The following PSPC1 variants were observed in gnomAD, a reference collection of about 807,000 sequenced individuals.
PSPC1 encodes paraspeckle protein 1.
PSPC1 carries 14 observed loss-of-function variants against 51.6 expected under a neutral mutation model. The observed-to-expected ratio is 0.27, with a 90% CI of 0.18 to 0.42. PSPC1 has a LOEUF of 0.42. PSPC1 is among the 10% of genes least tolerant of loss of function. The pLI, the probability that PSPC1 is intolerant of heterozygous loss-of-function variation, is 1.00. For missense variants in PSPC1, 406 were observed against 701.1 expected, an observed-to-expected ratio of 0.58 and a Z score of 4.75; for synonymous variants, 193 against 231.9, an observed-to-expected ratio of 0.83 and a Z score of 1.53.
chr13:19,737,733 C>T (rs1011592847), intron 5 of PSPC1, among the ~76,000 whole-genome samples: 1 of 152,148 alleles, frequency 6.6e-6, no homozygotes, highest in Non-Finnish European at 1.5e-5. Context: ...GATCGAGGCA[C>T]CAGTTATGTT....
At chr13:19,681,373 T>C (rs1173759662) in intron 6 of PSPC1, among the ~76,000 whole-genome samples, 1 of 151,888 alleles carries the variant, frequency 6.6e-6, no homozygotes, top group Non-Finnish European at 1.5e-5. Flanking sequence ...CTATTATTCA[T>C]GTATTACATG....
At chr13:19,694,293 G>GA (rs534353966) in intron 6 of PSPC1, among the ~76,000 whole-genome samples, 1 of 151,640 alleles carries the variant, frequency 6.6e-6, no homozygotes, top group Non-Finnish European at 1.5e-5. Flanking sequence ...TCATTGAAAG[G>GA]AAAAAATTAA....
intron 5 of PSPC1, among the ~76,000 whole-genome samples, chr13:19,740,047 T>A (rs1449842816): frequency 6.6e-6 from 1 of 151,552 alleles, no homozygotes; most frequent in Non-Finnish European, 1.5e-5. Flanking sequence ...GGAATATGAT[T>A]TAAGAATGAA....
At chr13:19,739,426 G>A (rs1385474840) in intron 5 of PSPC1, among the ~76,000 whole-genome samples, 2 of 152,162 alleles carry the variant, frequency 1.3e-5, no homozygotes, top group Admixed American at 6.5e-5. Context: ...TGTTAGGGGA[G>A]AGGAGGTTTC....
At chr13:19,721,714 C>A (rs1882787704) in intron 6 of PSPC1, among the ~76,000 whole-genome samples, 1 of 152,184 alleles carries the variant, frequency 6.6e-6, no homozygotes, top group Non-Finnish European at 1.5e-5. Context: ...GTTTTGAATA[C>A]AGGAAACAGT....
At chr13:19,674,385 A>AT (rs1440527505), downstream of PSPC1, among the ~76,000 whole-genome samples, 2 of 152,172 alleles carry the variant, frequency 1.3e-5, no homozygotes, top group African/African-American at 4.8e-5. Context: ...TCCTGTATTG[A>AT]TTCTTAAATG....
chr13:19,709,008 C>T (rs1269974186), intron 7 of PSPC1, among the ~76,000 whole-genome samples: 1 of 151,472 alleles, frequency 6.6e-6, no homozygotes, highest in Admixed American at 6.6e-5. Flanking sequence ...ACTAAAAATA[C>T]AAAAAATAAG....
At chr13:19,758,186 G>A (rs962580259) in intron 3 of PSPC1, among the ~76,000 whole-genome samples, 9 of 152,052 alleles carry the variant, frequency 5.9e-5, no homozygotes, top group Admixed American at 2.0e-4. Flanking sequence ...GGTGGTGGGC[G>A]CCTGTGGTCC....
At chr13:19,774,874 A>T (rs1888951913) in intron 1 of PSPC1, among the ~76,000 whole-genome samples, 1 of 150,228 alleles carries the variant, frequency 6.7e-6, no homozygotes, top group Non-Finnish European at 1.5e-5. Flanking sequence ...TTTGGGAAAG[A>T]AACAATTTAA....
At chr13:19,730,962 A>AC (rs1555236466) in intron 5 of PSPC1, among the ~76,000 whole-genome samples, 1,741 of 19,794 alleles carry the variant, frequency 0.088, 69 homozygotes, top group Middle Eastern at 0.26. Context: ...AAAAACAAAA[A>AC]AACAAAAAAA....
At chr13:19,689,961 A>G (rs1437537235) in intron 6 of PSPC1, among the ~76,000 whole-genome samples, 1 of 152,220 alleles carries the variant, frequency 6.6e-6, no homozygotes, top group African/African-American at 2.4e-5. Context: ...ACTGAAAAAA[A>G]GGATAGGGCA....
intron 5 of PSPC1, among the ~76,000 whole-genome samples, chr13:19,735,927 T>C (rs1056878335): frequency 2.0e-5 from 3 of 152,044 alleles, no homozygotes; most frequent in South Asian, 2.1e-4. Flanking sequence ...GTTCAAGCCA[T>C]TCTCCTGCCT....
chr13:19,683,257 GCC>G (rs1489794414), intron 6 of PSPC1, among the ~76,000 whole-genome samples: 1 of 152,126 alleles, frequency 6.6e-6, no homozygotes, highest in East Asian at 1.9e-4. Flanking sequence ...AATAAAAACT[GCC>G]CCAAGAGCAT....
chr13:19,695,887 AT>A (rs934155262), intron 6 of PSPC1, among the ~76,000 whole-genome samples: 21 of 151,528 alleles, frequency 1.4e-4, no homozygotes, highest in African/African-American at 4.1e-4. Flanking sequence ...GTATCAACAT[AT>A]TTTTTTTAGA....
At position 19,736,465 on chromosome 13, in the gene PSPC1, C is replaced by T. The variant is rs1013930761; in HGVS notation, c.1052+5100G>A. On this transcript the variant is annotated intron_variant, in intron 5 of 8. Coordinates refer to ENST00000338910, the MANE Select transcript of PSPC1 (RefSeq NM_001354909.2). ...TTGGGAGGCCGAGGCGGGCGGATCA[C>T]AAGGTCAGCAGATCGAGACCATCCT... Among the ~76,000 whole-genome samples the T allele has an allele frequency of 3.9e-4, 60 of 152,110 alleles. No individual in the cohort carries two copies. In the South Asian group the frequency reaches 4.4e-3, roughly 11 times the overall value.
At chr13:19,699,752 T>C (rs962073730), downstream of PSPC1, among the ~76,000 whole-genome samples, 18 of 152,026 alleles carry the variant, frequency 1.2e-4, no homozygotes, top group African/African-American at 4.1e-4. Flanking sequence ...AAAACATCTA[T>C]GAACACAGGA....
chr13:19,695,161 T>C (rs1419479476), intron 6 of PSPC1, among the ~76,000 whole-genome samples: 1 of 152,234 alleles, frequency 6.6e-6, no homozygotes, highest in Non-Finnish European at 1.5e-5. Context: ...GTCTTCTATA[T>C]CATTCAAGTA....
chr13:19,685,052 A>G (rs1877711357), intron 6 of PSPC1, among the ~76,000 whole-genome samples: 1 of 152,248 alleles, frequency 6.6e-6, no homozygotes, highest in African/African-American at 2.4e-5. Context: ...AGAAATTTAG[A>G]CTATATAGAC....
At chr13:19,708,292 G>A (rs1880955707) in intron 7 of PSPC1, among the ~76,000 whole-genome samples, 1 of 152,168 alleles carries the variant, frequency 6.6e-6, no homozygotes, top group South Asian at 2.1e-4. Flanking sequence ...TTTTGTAAAT[G>A]GGTGTGCATG....
Sources: allele counts gnomAD v4.1 joint callset (sites outside exome capture counted in the v4.1 genomes callset), GRCh38; gene constraint gnomAD v4.1.1; transcripts MANE v1.5; gene names NCBI Gene and HGNC (gene_info 2026-07-23, HGNC 2026-07-21).